Variants in HSPA14 observed in about 807,000 individuals in gnomAD.
The protein encoded by HSPA14 is heat shock 70 kDa protein 14.
HSPA14 carries 37 observed loss-of-function variants against 65.5 expected under a neutral mutation model. The observed-to-expected ratio is 0.56, with a 90% CI of 0.43 to 0.74. The LOEUF is 0.74. HSPA14 is among the 30% of genes least tolerant of loss of function. HSPA14 has a pLI of 0.00. For synonymous variants in HSPA14, 203 were observed against 214.2 expected (o/e 0.95, Z 0.46); for missense variants, 564 against 607.6 (o/e 0.93, Z 0.75).
At chr10:14,845,933 C>T in intron 3 of HSPA14, 1 of 770,146 alleles carries the variant, frequency 1.3e-6, no homozygotes, top group Non-Finnish European at 1.6e-6. Context: ...TAGTACCTTC[C>T]AGCTCTAAAA....
intron 10 of HSPA14, among the ~76,000 whole-genome samples, chr10:14,856,364 T>C (rs1238337236): frequency 6.6e-6 from 1 of 152,190 alleles, no homozygotes; most frequent in Admixed American, 6.5e-5. Flanking sequence ...AGAGATTAAG[T>C]AGCTTCCTCA....
rs1832815761 is a variant in HSPA14 at position 14,867,313 on chromosome 10, A to AT, written c.1206+19dup. ...TAGTTAAGGTATGTTTAGCTTTTGT[A>AT]TACTAGTTAAGGTATGTTTAGCTTT... On this transcript the variant is annotated intron_variant, in intron 11 of 13. Coordinates refer to ENST00000378372, the MANE Select transcript of HSPA14 (RefSeq NM_016299.4). 6.5e-7 allele frequency: 1 copy of AT among 1,531,912 alleles called. No homozygotes were observed. The highest frequency in any genetic ancestry group is 1.4e-5 in the African/African-American group (1 of 73,364). The allele number at this position is 1,531,912 out of a possible 1,614,324, so 94.9% of individuals were successfully genotyped here.
chr10:14,852,919 C>T (rs1834119638), intron 8 of HSPA14, among the ~76,000 whole-genome samples: 1 of 152,164 alleles, frequency 6.6e-6, no homozygotes, highest in African/African-American at 2.4e-5. Flanking sequence ...ATGTTATCTT[C>T]ATATTCCAGT....
intron 11 of HSPA14, 109 bp downstream of exon 11, chr10:14,867,404 A>G (rs1247575683): frequency 2.7e-6 from 2 of 746,176 alleles, no homozygotes; most frequent in Non-Finnish European, 4.4e-6. Flanking sequence ...TGATGTTACA[A>G]TAAAACCTTG....
rs756321315 is a variant in HSPA14, at chr10:14,867,870, T to C, written c.1341T>C (p.Asp447=). ...SSVCLELYES[D]GKNSAKEETK... ...TGTGCCTTGAACTCTATGAGTCTGATGGGAAGAACTCTGCCAAAGAGGAAA... is the reference window on the plus strand; with the variant it reads ...TGTGCCTTGAACTCTATGAGTCTGACGGGAAGAACTCTGCCAAAGAGGAAA... Residue 447 remains aspartate (D), a synonymous_variant, in exon 12 of 14, where the codon GAT becomes GAC. Transcript: ENST00000378372. The C allele has an allele frequency of 4.3e-6, 7 of 1,613,936 alleles. No homozygotes were observed. In the East Asian group the frequency reaches 1.3e-4, roughly 31 times the overall value.
chr10:14,864,748 A>C (rs1170311401), intron 10 of HSPA14, among the ~76,000 whole-genome samples: 1 of 152,166 alleles, frequency 6.6e-6, no homozygotes, highest in Non-Finnish European at 1.5e-5. Flanking sequence ...GGGTGGTTCC[A>C]AGTCTTTGCT....
chr10:14,848,608 G>A lies in HSPA14; in HGVS notation c.222-1G>A. 2 of 1,607,870 alleles carry A rather than the reference G, an allele frequency of 1.2e-6. No homozygotes were observed. The highest frequency in any genetic ancestry group is 1.7e-6 in the Non-Finnish European group (2 of 1,175,240). On this transcript the variant is annotated splice_acceptor_variant, in intron 3 of 13. Coordinates refer to ENST00000378372, the MANE Select transcript of HSPA14 (RefSeq NM_016299.4). LOFTEE classifies it high-confidence loss of function. Reference sequence around the variant, plus strand: ...CTATCTTTATCTTTCTTTATGGACAGCTCCAGTGATCCACAAGCTCAGAAA... The same window carrying A: ...CTATCTTTATCTTTCTTTATGGACAACTCCAGTGATCCACAAGCTCAGAAA...
chr10:14,862,335 A>G (rs548396672), intron 10 of HSPA14, among the ~76,000 whole-genome samples: 21 of 149,670 alleles, frequency 1.4e-4, no homozygotes, highest in African/African-American at 5.2e-4. Flanking sequence ...GCCCCAAGAA[A>G]ATAGATTTTA....
At chr10:14,852,570 G>GT in intron 8 of HSPA14, 39 bp downstream of exon 8, 4 of 1,437,846 alleles carry the variant, frequency 2.8e-6, no homozygotes, top group Non-Finnish European at 3.7e-6. Context: ...TCTGATTGAG[G>GT]TTTTCCTTCA....
At chr10:14,868,992 G>A (rs1338151588) in intron 12 of HSPA14, among the ~76,000 whole-genome samples, 6 of 149,940 alleles carry the variant, frequency 4.0e-5, no homozygotes, top group Admixed American at 6.6e-5. Flanking sequence ...GACTACAGGC[G>A]CCCACCACCA....
intron 12 of HSPA14, among the ~76,000 whole-genome samples, chr10:14,868,501 TCA>T (rs112132864): frequency 1.3e-3 from 193 of 146,096 alleles, no homozygotes; most frequent in Non-Finnish European, 1.7e-3. Flanking sequence ...GCAGTTGCAT[TCA>T]CACACACACA....
chr10:14,844,784 C>CT (rs1834027169), intron 3 of HSPA14: 1 of 985,196 alleles, frequency 1.0e-6, no homozygotes. Context: ...TAAATTACAT[C>CT]TTTAAGTTTC....
At chr10:14,858,998 C>CT (rs535582740) in intron 10 of HSPA14, among the ~76,000 whole-genome samples, 152 of 152,086 alleles carry the variant, frequency 1.0e-3, no homozygotes, top group African/African-American at 3.6e-3. Context: ...GAGAGTTTGG[C>CT]TTTTTTTGGA....
rs1202762964 is a variant in HSPA14, at chr10:14,867,906, A to C, written c.1377A>C (p.Ala459=). ...CTGCCAAAGAGGAAACCAAGTTTGCACAGGTGAATACATAAAGTTAGACAC... is the reference window on the plus strand; with the variant it reads ...CTGCCAAAGAGGAAACCAAGTTTGCCCAGGTGAATACATAAAGTTAGACAC... ...KNSAKEETKF[A]QVVLQDLDKK... is the part of the protein sequence containing the mutation. The change falls in exon 12 of 14, where the codon GCA becomes GCC. Residue 459 remains alanine, a synonymous_variant. Coordinates refer to ENST00000378372, the MANE Select transcript of HSPA14 (RefSeq NM_016299.4). 2 of 1,611,162 alleles carry C rather than the reference A, an allele frequency of 1.2e-6. No individual in the cohort carries two copies. The highest frequency in any genetic ancestry group is 1.7e-6 in the Non-Finnish European group (2 of 1,178,954).
In HSPA14 at chr10:14,871,674, T is replaced by C; in HGVS notation, c.*68T>C. The C allele has an allele frequency of 1.2e-6, 1 of 808,216 alleles. No homozygotes were observed. The highest frequency in any genetic ancestry group is 2.6e-5 in the East Asian group (1 of 39,130). The allele number at this position is 808,216 out of a possible 1,614,324, so 50.1% of individuals were successfully genotyped here. A position where few individuals can be genotyped will look rare whatever the true frequency, so the allele number is the denominator to read the frequency against. ...CATTTGGTTTTGTGTATAAGTGGTG[T>C]TTGTATTAAAATACTTTTTCAATGA... is the stretch of plus-strand genomic sequence containing the variant. On this transcript the variant is annotated 3_prime_UTR_variant, in exon 14 of 14. Coordinates refer to ENST00000378372, the MANE Select transcript of HSPA14 (RefSeq NM_016299.4).
intron 3 of HSPA14, among the ~76,000 whole-genome samples, chr10:14,841,748 T>C (rs1182056248): frequency 2.0e-5 from 3 of 152,180 alleles, no homozygotes; most frequent in Admixed American, 1.3e-4. Flanking sequence ...GTCAGATGGG[T>C]AACACAGAGC....
chr10:14,854,008 G>A lies in HSPA14; in HGVS notation c.735-117G>A, dbSNP rs141470631. The A allele has an allele frequency of 2.2e-3, 2,251 of 1,013,458 alleles. 40 individuals carry two copies. In the African/African-American group the frequency reaches 0.035, roughly 16 times the overall value. 62.8% of individuals were successfully genotyped at this position (1,013,458 alleles called of 1,614,324 possible). On this transcript the variant is annotated intron_variant, in intron 8 of 13. Transcript: ENST00000378372. ...GTTGGGATTACACGCGTGAGCCACC[G>A]CACCCGGCCTGATTCACTAATTTAT...
In HSPA14 at chr10:14,845,309, A is replaced by G. The variant is rs552404050; in HGVS notation, c.222-3300A>G. ...TTTCCAATAATCTAGAAGTTGGAAAAATAACAAAGAGTGGGCATGTTGGGG... is the reference window on the plus strand; with the variant it reads ...TTTCCAATAATCTAGAAGTTGGAAAGATAACAAAGAGTGGGCATGTTGGGG... On this transcript the variant is annotated intron_variant, in intron 3 of 13. Transcript: ENST00000378372. 6.1e-6 allele frequency: 6 copies of G among 985,494 alleles called. No homozygotes were observed. In the African/African-American group the frequency reaches 7.0e-5, roughly 11 times the overall value. The allele number at this position is 985,494 out of a possible 1,614,324, so 61.0% of individuals were successfully genotyped here.
At chr10:14,851,497 C>T (rs983529991) in intron 7 of HSPA14, among the ~76,000 whole-genome samples, 174 bp downstream of exon 7, 1 of 152,194 alleles carries the variant, frequency 6.6e-6, no homozygotes, top group Non-Finnish European at 1.5e-5. Flanking sequence ...CCTAGGAAAG[C>T]ACAGAAAGAA....
Sources: gnomAD v4.1 joint callset for allele counts (sites outside exome capture counted in the v4.1 genomes callset) on GRCh38, gnomAD v4.1.1 for gene constraint, MANE v1.5 for transcripts, NCBI Gene and HGNC (gene_info 2026-07-23, HGNC 2026-07-21) for gene names.